PTCHD4: variants seen among roughly 807,000 people sequenced by gnomAD.
PTCHD4 encodes the protein patched domain-containing protein 4.
A neutral mutation model predicts 58.1 loss-of-function variants in PTCHD4; 33 were observed. The observed-to-expected ratio is 0.57, with a 90% confidence interval of 0.43 to 0.76. The LOEUF is 0.76. Ranked by LOEUF, PTCHD4 falls within the 30% of genes least tolerant of loss-of-function variation. PTCHD4 has a pLI of 0.00. For missense variants in PTCHD4, 1,058 were observed against 1,027.1 expected (o/e 1.03, Z -0.41); for synonymous variants, 478 against 409.6 (o/e 1.17, Z -2.02).
chr6:48,008,949 A>C lies in PTCHD4; in HGVS notation c.583T>G (p.Phe195Val). 3.7e-6 allele frequency: 6 copies of C among 1,613,842 alleles called. No homozygotes were observed. The highest frequency in any genetic ancestry group is 5.1e-6 in the Non-Finnish European group (6 of 1,179,850). Reference protein sequence around the residue: ...DLIGEKWENEFCKLIRKLQEE... With the variant: ...DLIGEKWENEVCKLIRKLQEE... ...TGGAGCTTCCTTATAAGCTTACAGA[A>C]CTCATTCTCCCACTTCTCCCCTATG... Residue 195 changes from phenylalanine (F) to valine (V), a missense_variant, in exon 4 of 5, where the codon TTC becomes GTC. Transcript: ENST00000339488.
At chr6:47,976,782 A>C (rs1387805653) in intron 4 of PTCHD4, among the ~76,000 whole-genome samples, 1 of 151,958 alleles carries the variant, frequency 6.6e-6, no homozygotes, top group Non-Finnish European at 1.5e-5. Flanking sequence ...ACAGAAGAAA[A>C]ATTTATATTA....
At chr6:47,976,990 C>T (rs938901864) in intron 4 of PTCHD4, among the ~76,000 whole-genome samples, 4 of 152,002 alleles carry the variant, frequency 2.6e-5, no homozygotes, top group Non-Finnish European at 4.4e-5. Context: ...AAAAGTAATT[C>T]GAGGATGTTA....
intron 4 of PTCHD4, among the ~76,000 whole-genome samples, chr6:47,952,140 G>A (rs555241472): frequency 4.3e-4 from 65 of 152,204 alleles, no homozygotes; most frequent in African/African-American, 9.9e-4. Flanking sequence ...AGGGTACAAC[G>A]AAAATGAATG....
rs562286065 is a variant in PTCHD4, at chr6:47,869,886, G to T, written c.*8417C>A. On this transcript the variant is annotated 3_prime_UTR_variant, in exon 5 of 5. Coordinates refer to ENST00000339488, the MANE Select transcript of PTCHD4 (RefSeq NM_001384253.1). ...TAGCATGCTCGAAGTTCTCACTGAG[G>T]TTAGAGGAATAAGTTGCATATTATA... Among the ~76,000 whole-genome samples, 79 of 151,682 alleles carry T rather than the reference G, an allele frequency of 5.2e-4. No individual in the cohort carries two copies. The highest frequency in any genetic ancestry group is 8.9e-4 in the Non-Finnish European group (60 of 67,698).
rs184482770 is a variant in PTCHD4, at chr6:48,104,706, T to C, written c.-970+6343A>G. ...ATCAGTGTGCTGTATTCAGGAAACCTATCTCATGTGCAGAGACACACATAG... is the reference window on the plus strand; with the variant it reads ...ATCAGTGTGCTGTATTCAGGAAACCCATCTCATGTGCAGAGACACACATAG... On this transcript the variant is annotated intron_variant, in intron 1 of 4. Coordinates refer to ENST00000339488, the MANE Select transcript of PTCHD4 (RefSeq NM_001384253.1). Among the ~76,000 whole-genome samples, 27 of 152,266 alleles carry C rather than the reference T, an allele frequency of 1.8e-4. 1 individual carries two copies. Among genetic ancestry groups the C allele is most frequent in the African/African-American group, 6.3e-4 (26 of 41,552 alleles).
rs148546634 is a variant in PTCHD4, at chr6:47,866,498, G to A, written c.*11805C>T. Among the ~76,000 whole-genome samples, 1 of 151,844 alleles carries A rather than the reference G, an allele frequency of 6.6e-6. No individual in the cohort carries two copies. Among genetic ancestry groups the A allele is most frequent in the Non-Finnish European group, 1.5e-5 (1 of 67,838 alleles). ...GAGTGTGTTTGTTGACCATGGTCTC[G>A]TATGGCCACTTGGTTGTTGGATTTA... is the stretch of plus-strand genomic sequence containing the variant. On this transcript the variant is annotated 3_prime_UTR_variant, in exon 5 of 5. Transcript: ENST00000339488.
At chr6:48,024,297 G>A (rs932064905) in intron 3 of PTCHD4, among the ~76,000 whole-genome samples, 1 of 151,966 alleles carries the variant, frequency 6.6e-6, no homozygotes, top group African/African-American at 2.4e-5. Flanking sequence ...AATACAGAAA[G>A]TGTCCAGGAC....
At position 48,069,706 on chromosome 6, in the gene PTCHD4, T is replaced by C. The variant is rs759863789; in HGVS notation, c.-749A>G. ...TGTGTGTGTATTGAAAGTGAAGATC[T>C]ACAGGCAATATGAGGTTTCTCATAA... On this transcript the variant is annotated 5_prime_UTR_variant, in exon 2 of 5. Transcript: ENST00000339488. Among the ~76,000 whole-genome samples the C allele has an allele frequency of 2.0e-5, 3 of 152,158 alleles. No homozygotes were observed. Among genetic ancestry groups the C allele is most frequent in the Admixed American group, 6.5e-5 (1 of 15,278 alleles).
At chr6:48,055,103 T>A (rs909051958) in intron 3 of PTCHD4, among the ~76,000 whole-genome samples, 3 of 152,270 alleles carry the variant, frequency 2.0e-5, no homozygotes, top group Admixed American at 6.5e-5. Context: ...ATGTAAAAAA[T>A]TTTAAAGACA....
chr6:47,985,559 A>C (rs1438084547), intron 4 of PTCHD4, among the ~76,000 whole-genome samples: 3 of 152,088 alleles, frequency 2.0e-5, no homozygotes, highest in Non-Finnish European at 4.4e-5. Flanking sequence ...CCTGTTTTAG[A>C]AAAAAACTCC....
chr6:48,019,027 G>C lies in PTCHD4; in HGVS notation c.418-9913C>G, dbSNP rs547246167. ...TGACATCTGGAACATTAACACCTTTGACTGGAAAAGTAGATCACACTGACA... is the reference window on the plus strand; with the variant it reads ...TGACATCTGGAACATTAACACCTTTCACTGGAAAAGTAGATCACACTGACA... On this transcript the variant is annotated intron_variant, in intron 3 of 4. Coordinates refer to ENST00000339488, the MANE Select transcript of PTCHD4 (RefSeq NM_001384253.1). 1.8e-4 allele frequency among the ~76,000 whole-genome samples: 28 copies of C among 152,308 alleles called. 1 individual carries two copies. The Middle Eastern group carries it at 0.01, about 56-fold the overall frequency.
intron 1 of PTCHD4, among the ~76,000 whole-genome samples, chr6:48,103,977 G>T (rs1466495261): frequency 6.6e-6 from 1 of 152,200 alleles, no homozygotes; most frequent in African/African-American, 2.4e-5. Flanking sequence ...ACGTCTAATT[G>T]GTGTACCTGA....
intron 4 of PTCHD4, among the ~76,000 whole-genome samples, chr6:47,955,505 A>G (rs1766824083): frequency 6.6e-6 from 1 of 152,250 alleles, no homozygotes; most frequent in African/African-American, 2.4e-5. Flanking sequence ...AAATCCAGAA[A>G]TGATTGACCA....
At chr6:47,893,967 C>T (rs553549301) in intron 4 of PTCHD4, among the ~76,000 whole-genome samples, 16 of 152,284 alleles carry the variant, frequency 1.1e-4, no homozygotes, top group Middle Eastern at 3.4e-3. Context: ...GAGTTGTTTT[C>T]ATTTGGTAGG....
At chr6:48,064,720 CTA>C (rs1249927150) in intron 3 of PTCHD4, among the ~76,000 whole-genome samples, 2 of 151,950 alleles carry the variant, frequency 1.3e-5, no homozygotes, top group East Asian at 1.9e-4. Context: ...AAGTTAATGA[CTA>C]TTTGTTGTGA....
intron 4 of PTCHD4, among the ~76,000 whole-genome samples, chr6:47,919,585 C>G (rs922463084): frequency 1.3e-5 from 2 of 152,042 alleles, no homozygotes; most frequent in Non-Finnish European, 2.9e-5. Context: ...AGGCCATGAG[C>G]GTGCTTAGAG....
At chr6:47,989,602 A>G (rs1768206433) in intron 4 of PTCHD4, among the ~76,000 whole-genome samples, 1 of 152,156 alleles carries the variant, frequency 6.6e-6, no homozygotes, top group African/African-American at 2.4e-5. Flanking sequence ...GTTGCTTCAG[A>G]AGGTGGAGGC....
rs756174534 is a variant in PTCHD4, at chr6:48,009,067, T to G, written c.465A>C (p.Glu155Asp). 2 of 1,613,692 alleles carry G rather than the reference T, an allele frequency of 1.2e-6. No homozygotes were observed. The highest frequency in any genetic ancestry group is 2.7e-5 in the African/African-American group (2 of 74,934). The change falls in exon 4 of 5, where the codon GAA becomes GAC. Residue 155 changes from glutamate (E) to aspartate (D), a missense_variant. Transcript: ENST00000339488. ...FIGHQLGGVV[E>D]VPNSKDQRVK... The stretch of plus-strand genomic sequence containing the variant: ...CCCGCTGATCTTTGCTGTTTGGCAC[T>G]TCCACTACCCCGCCCAGTTGGTGTC...
intron 4 of PTCHD4, among the ~76,000 whole-genome samples, chr6:47,978,472 A>C: frequency 6.6e-6 from 1 of 152,200 alleles, no homozygotes; most frequent in Middle Eastern, 3.2e-3. Flanking sequence ...TCATAATATA[A>C]AAATTGAGAT....
Sources: allele counts gnomAD v4.1 joint callset (sites outside exome capture counted in the v4.1 genomes callset), GRCh38; gene constraint gnomAD v4.1.1; transcripts MANE v1.5; gene names NCBI Gene and HGNC (gene_info 2026-07-23, HGNC 2026-07-21).